The following XRN1 variants were observed in gnomAD, a reference collection of about 807,000 sequenced individuals.
XRN1 encodes the protein 5'-3' exoribonuclease 1.
A neutral mutation model predicts 222.3 loss-of-function variants in XRN1; 67 were observed. That is an observed-to-expected ratio of 0.30 (90% confidence interval 0.25 to 0.37). XRN1 has a LOEUF of 0.37. Ranked by LOEUF, XRN1 falls within the 10% of genes least tolerant of loss-of-function variation. The pLI, the probability that XRN1 is intolerant of heterozygous loss-of-function variation, is 1.00. For missense variants in XRN1, 1,707 were observed against 2,000.2 expected (o/e 0.85, Z 2.80); for synonymous variants, 643 against 652.4 (o/e 0.99, Z 0.22).
At chr3:142,375,266 C>T (rs528353036) in intron 25 of XRN1, among the ~76,000 whole-genome samples, 1 of 152,280 alleles carries the variant, frequency 6.6e-6, no homozygotes, top group South Asian at 2.1e-4. Flanking sequence ...ATGGAAAGAA[C>T]ATTAAATTAT....
chr3:142,401,558 CA>C (rs967651656), intron 18 of XRN1, among the ~76,000 whole-genome samples: 2 of 148,192 alleles, frequency 1.3e-5, no homozygotes, highest in Middle Eastern at 3.2e-3. Context: ...ACTAAAAATA[CA>C]AAAAAAAAAT....
intron 37 of XRN1, among the ~76,000 whole-genome samples, chr3:142,320,462 A>G (rs991263914): frequency 6.6e-6 from 1 of 152,068 alleles, no homozygotes; most frequent in Non-Finnish European, 1.5e-5. Flanking sequence ...TAGATTCTGG[A>G]TATTTAGTCC....
Position 142,311,656 on chromosome 3 carries a change from A to T in XRN1, c.4940T>A (p.Ile1647Asn). 6.2e-7 allele frequency: 1 copy of T among 1,614,178 alleles called. No homozygotes were observed. Among genetic ancestry groups the T allele is most frequent in the Non-Finnish European group, 8.5e-7 (1 of 1,180,006 alleles). Reference protein sequence around the residue: ...SSSASLKSSPIAQPASSFQVE... With the variant: ...SSSASLKSSPNAQPASSFQVE... The stretch of plus-strand genomic sequence containing the variant: ...TTGAAAAGAAGATGCAGGTTGAGCA[A>T]TCGGAGAGGACTTCAAAGAAGCTGA... The change falls in exon 41 of 41, where the codon ATT (isoleucine) becomes AAT (asparagine). Residue 1647 changes from isoleucine to asparagine, a missense_variant. Ile to Asn is a moderately radical substitution (Grantham distance 149, BLOSUM62 -3). This residue lies in a region of XRN1 where 473 missense variants were observed against 482.0 expected (regional missense o/e 0.98). Coordinates refer to ENST00000392981, the MANE Select transcript of XRN1 (RefSeq NM_001282857.2).
At chr3:142,316,486 C>T (rs79962131) in intron 39 of XRN1, among the ~76,000 whole-genome samples, 1,750 of 152,100 alleles carry the variant, frequency 0.012, 40 homozygotes, top group African/African-American at 0.041. Context: ...CTTAGTCTTG[C>T]TCATATCAAT....
intron 32 of XRN1, among the ~76,000 whole-genome samples, chr3:142,354,044 G>A (rs1002112237): frequency 1.3e-5 from 2 of 151,916 alleles, no homozygotes; most frequent in African/African-American, 2.4e-5. Flanking sequence ...ACTAAAATTG[G>A]AATGGTACAG....
At chr3:142,425,145 G>T in intron 5 of XRN1, 77 bp downstream of exon 5, 1 of 1,027,598 alleles carries the variant, frequency 9.7e-7, no homozygotes, top group Non-Finnish European at 1.3e-6. Flanking sequence ...CAGCCAGTAA[G>T]CTTCCTGTAC....
intron 25 of XRN1, among the ~76,000 whole-genome samples, chr3:142,372,330 T>C (rs2067012987): frequency 6.6e-6 from 1 of 152,158 alleles, no homozygotes; most frequent in Non-Finnish European, 1.5e-5. Context: ...ATAAGGTCTC[T>C]AGAAATGGAC....
chr3:142,447,786 C>A lies in XRN1; in HGVS notation c.75+84G>T. 1 of 1,491,792 alleles carries A rather than the reference C, an allele frequency of 6.7e-7. No homozygotes were observed. The highest frequency in any genetic ancestry group is 9.2e-7 in the Non-Finnish European group (1 of 1,087,418). 92.4% of individuals were successfully genotyped at this position (1,491,792 alleles called of 1,614,324 possible). On this transcript the variant is annotated intron_variant, in intron 1 of 40. Transcript: ENST00000392981. This position sits in a 1 kb window ranked among gnomAD's most constrained non-coding sequence, Gnocchi z 4.2. ...CCAGACGACGAGGGGAAAGAGGTGG[C>A]TCGAAAGCCCCAGCTCTAAGGTGGA... is the stretch of plus-strand genomic sequence containing the variant.
intron 29 of XRN1, 75 bp from the exon 30 acceptor site, chr3:142,360,006 G>T: frequency 4.2e-6 from 4 of 941,570 alleles, no homozygotes; most frequent in South Asian, 1.7e-5. Context: ...TTTTTGGAGT[G>T]TTTGGAAGTA....
At chr3:142,375,757 A>T (rs1274008811) in intron 25 of XRN1, 41 bp downstream of exon 25, 12 of 1,534,774 alleles carry the variant, frequency 7.8e-6, no homozygotes, top group African/African-American at 1.4e-5. Context: ...GTATTTTCCT[A>T]AGATTTTGGA....
intron 33 of XRN1, 89 bp from the exon 34 acceptor site, chr3:142,335,598 G>A (rs2065831116): frequency 3.3e-6 from 4 of 1,196,966 alleles, no homozygotes; most frequent in Non-Finnish European, 4.8e-6. Context: ...AAGGCACTGT[G>A]TTAAAAATTC....
At chr3:142,362,523 T>C (rs1004175351) in intron 29 of XRN1, among the ~76,000 whole-genome samples, 11 of 152,134 alleles carry the variant, frequency 7.2e-5, no homozygotes, top group African/African-American at 2.4e-4. Context: ...TCCACCCGCC[T>C]TGGCCTCCCA....
At chr3:142,443,349 A>G (rs971291350) in intron 1 of XRN1, among the ~76,000 whole-genome samples, 3 of 152,150 alleles carry the variant, frequency 2.0e-5, no homozygotes, top group Admixed American at 6.5e-5. Context: ...GACTAGCTAC[A>G]TTTCCTAGGC....
rs145306404 is a variant in XRN1 at position 142,371,698 on chromosome 3, G to C, written c.2979-370C>G. On this transcript the variant is annotated intron_variant, in intron 25 of 40. Transcript: ENST00000392981. ...TACAACAAATTAAAATAGATTAAAA[G>C]CATCTTCTGATAATTTTCAAAACTC... 2.4e-3 allele frequency among the ~76,000 whole-genome samples: 368 copies of C among 152,232 alleles called. 2 individuals are homozygous for C. The highest frequency in any genetic ancestry group is 8.6e-3 in the African/African-American group (359 of 41,544).
chr3:142,323,998 A>C lies in XRN1; in HGVS notation c.4405-5095T>G, dbSNP rs143294197. 2.9e-3 allele frequency among the ~76,000 whole-genome samples: 434 copies of C among 152,182 alleles called. 6 individuals are homozygous for C. The highest frequency in any genetic ancestry group is 9.8e-3 in the African/African-American group (409 of 41,528). Reference sequence around the variant, plus strand: ...CAGTAACTGAGATATCCATCACCTCAAGTATTTATCATTTTTGCTGTGTTA... The same window carrying C: ...CAGTAACTGAGATATCCATCACCTCCAGTATTTATCATTTTTGCTGTGTTA... On this transcript the variant is annotated intron_variant, in intron 37 of 40. Coordinates refer to ENST00000392981, the MANE Select transcript of XRN1 (RefSeq NM_001282857.2).
chr3:142,397,069 TAA>T (rs2067957047), intron 20 of XRN1, among the ~76,000 whole-genome samples: 1 of 152,230 alleles, frequency 6.6e-6, no homozygotes, highest in African/African-American at 2.4e-5. Context: ...GTCAATGTAT[TAA>T]GTGTTATTCC....
rs1286621630 is a variant in XRN1, at chr3:142,310,010, T to C, written c.*1501A>G. 6.6e-6 allele frequency: 1 copy of C among 152,644 alleles called. No homozygotes were observed. Among genetic ancestry groups the C allele is most frequent in the African/African-American group, 2.4e-5 (1 of 41,458 alleles). The allele number at this position is 152,644 out of a possible 1,614,324, so 9.5% of individuals were successfully genotyped here. On this transcript the variant is annotated 3_prime_UTR_variant, in exon 41 of 41. Transcript: ENST00000392981. ...ATGAAAATAACAGAAAATAAAATCA[T>C]GGAAACTTATACGACTATGATAAAT...
chr3:142,391,749 AAT>A (rs56952263), intron 20 of XRN1, among the ~76,000 whole-genome samples: 9,868 of 103,092 alleles, frequency 0.096, 460 homozygotes, highest in South Asian at 0.19. Flanking sequence ...AAAAAAAAAA[AAT>A]ATATATATAT....
intron 32 of XRN1, among the ~76,000 whole-genome samples, chr3:142,348,915 C>A (rs181815776): frequency 6.6e-6 from 1 of 152,144 alleles, no homozygotes; most frequent in Admixed American, 6.5e-5. Context: ...GCTGGGATTA[C>A]AGGCATGAGC....
Sources: gnomAD v4.1 joint callset for allele counts (sites outside exome capture counted in the v4.1 genomes callset) on GRCh38, gnomAD v4.1.1 for gene constraint, gnomAD v4.1.1 regional missense constraint, Gnocchi (gnomAD v3.1) non-coding constraint, MANE v1.5 for transcripts, NCBI Gene and HGNC (gene_info 2026-07-23, HGNC 2026-07-21) for gene names.